Variants in FAM149A observed in about 807,000 individuals in gnomAD.
FAM149A encodes family with sequence similarity 149 member A.
A neutral mutation model predicts 78.2 loss-of-function variants in FAM149A; 71 were observed. That is an observed-to-expected ratio of 0.91 (90% CI 0.75 to 1.11). FAM149A has a LOEUF of 1.11. Among genes scored for constraint, FAM149A ranks in the 50% least tolerant of loss-of-function variants. FAM149A has a pLI of 0.00. For synonymous variants in FAM149A, 446 were observed against 410.5 expected, an observed-to-expected ratio of 1.09 and a Z score of -1.04; for missense variants, 1,036 against 971.0, an observed-to-expected ratio of 1.07 and a Z score of -0.89.
rs1378390566 is a variant in FAM149A, at chr4:186,173,966, T to C, written c.*1979T>C. Reference sequence around the variant, plus strand: ...TGTTATAGGGCTGCTGGTTAGGTGCTCTCTGGTGCATCATTACTGCTCAAA... The same window carrying C: ...TGTTATAGGGCTGCTGGTTAGGTGCCCTCTGGTGCATCATTACTGCTCAAA... On this transcript the variant is annotated 3_prime_UTR_variant, in exon 14 of 14. Coordinates refer to ENST00000389354, the MANE Select transcript of FAM149A (RefSeq NM_001367768.3). 9.0e-6 allele frequency among the ~76,000 whole-genome samples: 1 copy of C among 111,188 alleles called. No homozygotes were observed. The highest frequency in any genetic ancestry group is 8.9e-5 in the Admixed American group (1 of 11,278). The allele number at this position is 111,188 out of a possible 152,430, so 72.9% of individuals were successfully genotyped here. A position where few individuals can be genotyped will look rare whatever the true frequency, so the allele number is the denominator to read the frequency against.
rs923460536 is a variant in FAM149A at position 186,105,381 on chromosome 4, G to A, written c.305G>A (p.Arg102Lys). 3 of 1,185,496 alleles carry A rather than the reference G, an allele frequency of 2.5e-6. No individual in the cohort carries two copies. Among genetic ancestry groups the A allele is most frequent in the Non-Finnish European group, 2.1e-6 (2 of 946,116 alleles). 73.4% of individuals were successfully genotyped at this position (1,185,496 alleles called of 1,614,324 possible). ...CTGCTCTCTTGGCCCAGTAGCCCTA[G>A]AGCGGGTAAAGCCCCGCCCCAGCCC... Residue 102 changes from arginine (R) to lysine (K), a missense_variant, in exon 1 of 14, where the codon AGA becomes AAA. Arg to Lys is a conservative substitution (Grantham distance 26). Transcript: ENST00000389354.
At chr4:186,157,222 G>A (rs1196961595) in intron 7 of FAM149A, among the ~76,000 whole-genome samples, 1 of 152,168 alleles carries the variant, frequency 6.6e-6, no homozygotes, top group African/African-American at 2.4e-5. Flanking sequence ...GTCAGTGATG[G>A]ACATTAATGA....
intron 1 of FAM149A, chr4:186,125,277 T>TA (rs1248862771): frequency 1.0e-6 from 1 of 985,316 alleles, no homozygotes; most frequent in African/African-American, 1.7e-5. Flanking sequence ...TGTTTTGTGA[T>TA]ATGTGCCAGC....
chr4:186,159,676 C>T lies in FAM149A; in HGVS notation c.1575+1957C>T, dbSNP rs1469394192. Among the ~76,000 whole-genome samples the T allele has an allele frequency of 2.6e-5, 4 of 152,062 alleles. No individual in the cohort carries two copies. In the South Asian group the frequency reaches 8.3e-4, roughly 31 times the overall value. ...TACCCAAGAGCTCCTACTACAGGGTCCAGCACATACTGAGCGCGTAATAAA... is the reference window on the plus strand; with the variant it reads ...TACCCAAGAGCTCCTACTACAGGGTTCAGCACATACTGAGCGCGTAATAAA... On this transcript the variant is annotated intron_variant, in intron 8 of 13. Coordinates refer to ENST00000389354, the MANE Select transcript of FAM149A (RefSeq NM_001367768.3).
intron 1 of FAM149A, chr4:186,125,707 A>C (rs2099318032): frequency 1.0e-6 from 1 of 984,528 alleles, no homozygotes; most frequent in Non-Finnish European, 1.2e-6. Context: ...TTGGGGAATT[A>C]ACACTACTAT....
In FAM149A at chr4:186,126,929, T is replaced by C. The variant is rs371461613; in HGVS notation, c.566+21287T>C. 6.1e-6 allele frequency: 6 copies of C among 985,158 alleles called. No individual in the cohort carries two copies. The African/African-American group carries it at 7.0e-5, about 11-fold the overall frequency. 61.0% of individuals were successfully genotyped at this position (985,158 alleles called of 1,614,324 possible). ...TGGGCGGTGTATCACAATTCTGTGG[T>C]GATTTTGAGCTAATTTTCTGCTTTG... On this transcript the variant is annotated intron_variant, in intron 1 of 13. Transcript: ENST00000389354.
intron 1 of FAM149A, among the ~76,000 whole-genome samples, chr4:186,111,252 T>G (rs978099776): frequency 6.6e-6 from 1 of 152,124 alleles, no homozygotes; most frequent in Non-Finnish European, 1.5e-5. Flanking sequence ...GTTTGTTTTT[T>G]TCTTGTAAAT....
At chr4:186,158,121 T>C (rs1734217634) in intron 8 of FAM149A, 3 of 1,306,324 alleles carry the variant, frequency 2.3e-6, no homozygotes, top group African/African-American at 1.5e-5. Flanking sequence ...CTGAGGTCCC[T>C]GTCTTGCTCC....
At position 186,136,962 on chromosome 4, in the gene FAM149A, CTTTCTCTCTCTCTT is replaced by C. The variant is rs775391509; in HGVS notation, c.567-12209_567-12196del. Among the ~76,000 whole-genome samples, 582 of 106,028 alleles carry C rather than the reference CTTTCTCTCTCTCTT, an allele frequency of 5.5e-3. 9 individuals are homozygous for C. Among genetic ancestry groups the C allele is most frequent in the Admixed American group, 0.019 (196 of 10,078 alleles). 69.6% of individuals were successfully genotyped at this position (106,028 alleles called of 152,430 possible). On this transcript the variant is annotated intron_variant, in intron 1 of 13. Transcript: ENST00000389354. ...TCTCTCTCTCTCTCTCTCTCTCTCT[CTTTCTCTCTCTCTT>C]TCTCTCTCTCTCTCTCTCTCTCTCT...
intron 1 of FAM149A, among the ~76,000 whole-genome samples, chr4:186,106,092 T>A (rs769336779): frequency 6.6e-6 from 1 of 152,200 alleles, no homozygotes; most frequent in Non-Finnish European, 1.5e-5. Context: ...CAGTCCCTAG[T>A]CTTATCCTAA....
chr4:186,154,563 G>A lies in FAM149A; in HGVS notation c.1154G>A (p.Arg385His), dbSNP rs753885829. The change falls in exon 6 of 14, where the codon CGT becomes CAT. Residue 385 changes from arginine to histidine, a missense_variant. By Grantham distance (29) the Arg-to-His change is conservative. Around this residue, in one of 3 missense-constraint regions of FAM149A, gnomAD observed 716 missense variants for 711.8 expected, o/e 1.01. Transcript: ENST00000389354. ...ACAGGGGTTGCTGACCTAACGGCACGTTCATCCCTGGAAGAAGAGGTTTAC... is the reference window on the plus strand; with the variant it reads ...ACAGGGGTTGCTGACCTAACGGCACATTCATCCCTGGAAGAAGAGGTTTAC... 3.7e-6 allele frequency: 6 copies of A among 1,614,012 alleles called. No homozygotes were observed. The East Asian group carries it at 6.7e-5, about 18-fold the overall frequency.
In FAM149A at chr4:186,148,999, G is replaced by GGTGTGTGTGT. The variant is rs70964919; in HGVS notation, c.567-150_567-141dup. 1.0e-3 allele frequency among the ~76,000 whole-genome samples: 150 copies of GGTGTGTGTGT among 148,084 alleles called. 1 individual carries two copies. The highest frequency in any genetic ancestry group is 3.2e-3 in the African/African-American group (130 of 40,180). ...CTAAGTCTCAGTTTCATCAGGATGG[G>GGTGTGTGTGT]GTGTGTGTGTGTGTGTGTGTGTGTG... is the stretch of plus-strand genomic sequence containing the variant. On this transcript the variant is annotated intron_variant, in intron 1 of 13. Transcript: ENST00000389354.
At position 186,152,169 on chromosome 4, in the gene FAM149A, C is replaced by T. The variant is rs139704153; in HGVS notation, c.932+124C>T. The T allele has an allele frequency of 4.2e-4, 358 of 851,414 alleles. 1 individual carries two copies. In the African/African-American group the frequency reaches 5.1e-3, roughly 12 times the overall value. 52.7% of individuals were successfully genotyped at this position (851,414 alleles called of 1,614,324 possible). A position where few individuals can be genotyped will look rare whatever the true frequency, so the allele number is the denominator to read the frequency against. On this transcript the variant is annotated intron_variant, in intron 4 of 13. Transcript: ENST00000389354. ...GCCCAGTCAGAATATGGATGCAGAG[C>T]GCAGTCCTTCACTGAGAGATCACTT...
At chr4:186,111,182 A>G (rs1386621515) in intron 1 of FAM149A, among the ~76,000 whole-genome samples, 2 of 148,100 alleles carry the variant, frequency 1.4e-5, no homozygotes, top group South Asian at 2.2e-4. Context: ...TTTTGGCTGC[A>G]TAAATGTCTT....
intron 1 of FAM149A, chr4:186,109,830 G>C: frequency 1.0e-6 from 1 of 985,240 alleles, no homozygotes; most frequent in Non-Finnish European, 1.2e-6. Context: ...TCAGTTATTT[G>C]GGAGAACAAA....
Position 186,110,309 on chromosome 4 carries a change from T to C in FAM149A, c.566+4667T>C, listed in dbSNP as rs570594041. 8.0e-4 allele frequency: 785 copies of C among 982,070 alleles called. 18 individuals are homozygous for C. The South Asian group carries it at 0.033, about 41-fold the overall frequency. 60.8% of individuals were successfully genotyped at this position (982,070 alleles called of 1,614,324 possible). On this transcript the variant is annotated intron_variant, in intron 1 of 13. Transcript: ENST00000389354. Reference sequence around the variant, plus strand: ...TTCATCGTCTTGAGTTTTTCCAAAGTTAGTAATGCTTGCTGCTGGGACTTA... The same window carrying C: ...TTCATCGTCTTGAGTTTTTCCAAAGCTAGTAATGCTTGCTGCTGGGACTTA...
chr4:186,116,442 A>G (rs1174968726), intron 1 of FAM149A: 1 of 983,454 alleles, frequency 1.0e-6, no homozygotes, highest in African/African-American at 1.7e-5. Context: ...TTTCTATTAC[A>G]GTCATATGAC....
At position 186,167,492 on chromosome 4, in the gene FAM149A, A is replaced by G. The variant is rs890737062; in HGVS notation, c.2218+230A>G. On this transcript the variant is annotated intron_variant, in intron 13 of 13. Transcript: ENST00000389354. Reference sequence around the variant, plus strand: ...AGAGGGGAATGTCCAAAAGCTCTCAATGAACTGGGGGCCTCACTCAAAAAA... The same window carrying G: ...AGAGGGGAATGTCCAAAAGCTCTCAGTGAACTGGGGGCCTCACTCAAAAAA... The G allele has an allele frequency of 5.3e-6, 3 of 567,188 alleles. No individual in the cohort carries two copies. In the Admixed American group the frequency reaches 7.9e-5, roughly 15 times the overall value. The allele number at this position is 567,188 out of a possible 1,614,324, so 35.1% of individuals were successfully genotyped here. A position where few individuals can be genotyped will look rare whatever the true frequency, so the allele number is the denominator to read the frequency against.
intron 7 of FAM149A, among the ~76,000 whole-genome samples, 179 bp downstream of exon 7, chr4:186,156,369 G>A (rs1016291631): frequency 2.0e-5 from 3 of 151,988 alleles, no homozygotes; most frequent in Non-Finnish European, 4.4e-5. Flanking sequence ...TGTTTTTTGT[G>A]TTATAAAAAA....
Sources: gnomAD v4.1 joint callset for allele counts (sites outside exome capture counted in the v4.1 genomes callset) on GRCh38, gnomAD v4.1.1 for gene constraint, gnomAD v4.1.1 regional missense constraint, MANE v1.5 for transcripts, NCBI Gene and HGNC (gene_info 2026-07-23, HGNC 2026-07-21) for gene names.